The following TTC28 variants were observed in gnomAD, a reference collection of about 807,000 sequenced individuals.
The protein encoded by TTC28 is tetratricopeptide repeat domain 28, also known as tetratricopeptide repeat protein 28.
In TTC28, 61 loss-of-function variants were observed where a neutral mutation model predicts 198.0. The ratio of observed to expected loss-of-function variants is 0.31; its 90% CI spans 0.25 to 0.38. The LOEUF (loss-of-function observed/expected upper bound fraction) is 0.38, where lower values mean the gene tolerates loss of function less well. Ranked by LOEUF, TTC28 falls within the 10% of genes least tolerant of loss-of-function variation. The probability of loss-of-function intolerance (pLI) is 1.00; values close to 1 mark genes in which losing one functional copy is unlikely to be tolerated. For synonymous variants in TTC28, 1,171 were observed against 1,297.8 expected (o/e 0.90, Z 2.10); for missense variants, 2,678 against 3,164.0 (o/e 0.85, Z 3.69).
intron 2 of TTC28, among the ~76,000 whole-genome samples, chr22:28,558,747 C>T (rs1429020223): frequency 6.7e-6 from 1 of 149,354 alleles, no homozygotes; most frequent in Non-Finnish European, 1.5e-5. Flanking sequence ...ATTTCCATTT[C>T]TGGCCGGGCA....
At chr22:28,366,311 A>G (rs1269389958) in intron 2 of TTC28, among the ~76,000 whole-genome samples, 1 of 152,088 alleles carries the variant, frequency 6.6e-6, no homozygotes, top group Non-Finnish European at 1.5e-5. Flanking sequence ...TCTTCTCAAC[A>G]AGTTTTTCTC....
At chr22:28,468,070 G>A (rs1351528567) in intron 2 of TTC28, among the ~76,000 whole-genome samples, 5 of 152,122 alleles carry the variant, frequency 3.3e-5, no homozygotes, top group African/African-American at 9.7e-5. Context: ...ACTGTGCCTG[G>A]CCCATAAGAG....
At chr22:28,202,642 T>C (rs9613573) in intron 5 of TTC28, among the ~76,000 whole-genome samples, 9,964 of 152,184 alleles carry the variant, frequency 0.065, 473 homozygotes, top group Admixed American at 0.14. Flanking sequence ...GCAGGGACCT[T>C]GGTCATCAGA....
chr22:28,317,719 G>A (rs754556404), intron 2 of TTC28, among the ~76,000 whole-genome samples: 3 of 152,148 alleles, frequency 2.0e-5, no homozygotes, highest in Non-Finnish European at 4.4e-5. Context: ...CCAGCCAAAA[G>A]GTAGGACTTT....
intron 15 of TTC28, chr22:28,000,987 GCC>G (rs886157206): frequency 5.1e-5 from 9 of 175,896 alleles, no homozygotes; most frequent in African/African-American, 1.9e-4. Context: ...CAGCTCAAGG[GCC>G]AGATGAATTG....
intron 13 of TTC28, among the ~76,000 whole-genome samples, chr22:28,029,637 T>C (rs1461468892): frequency 7.2e-5 from 11 of 152,160 alleles, no homozygotes; most frequent in South Asian, 2.1e-4. Flanking sequence ...AAGAAAAAGA[T>C]GAAGGGGTGT....
chr22:28,282,275 T>C (rs1569238027), intron 5 of TTC28, among the ~76,000 whole-genome samples: 1 of 152,204 alleles, frequency 6.6e-6, no homozygotes. Context: ...TTTGCATAGC[T>C]ACAGGGGATA....
In TTC28 at chr22:27,996,007, C is replaced by T. The variant is rs1366212844; in HGVS notation, c.5244+128G>A. 2.2e-6 allele frequency: 3 copies of T among 1,392,956 alleles called. No homozygotes were observed. The African/African-American group carries it at 4.3e-5, about 20-fold the overall frequency. 86.3% of individuals were successfully genotyped at this position (1,392,956 alleles called of 1,614,324 possible). On this transcript the variant is annotated intron_variant, in intron 17 of 22. Transcript: ENST00000397906. Reference sequence around the variant, plus strand: ...GTCTGTGGAAGCCGGTCAGTGCCATCCTGGACACGGCCCCAATCACGGTGT... The same window carrying T: ...GTCTGTGGAAGCCGGTCAGTGCCATTCTGGACACGGCCCCAATCACGGTGT...
chr22:28,647,504 G>A (rs1021578974), intron 1 of TTC28, among the ~76,000 whole-genome samples: 1 of 151,910 alleles, frequency 6.6e-6, no homozygotes, highest in African/African-American at 2.4e-5. Flanking sequence ...AATCCACAAG[G>A]AACTCAAACA....
intron 2 of TTC28, among the ~76,000 whole-genome samples, chr22:28,530,047 A>G (rs2049097951): frequency 6.6e-6 from 1 of 152,222 alleles, no homozygotes; most frequent in African/African-American, 2.4e-5. Flanking sequence ...ACAAAGCTGA[A>G]CAGAGAATGA....
intron 14 of TTC28, among the ~76,000 whole-genome samples, chr22:28,004,647 C>G (rs2146559235): frequency 6.6e-6 from 1 of 152,310 alleles, no homozygotes; most frequent in African/African-American, 2.4e-5. Flanking sequence ...CAGCTGTTCT[C>G]TGAAATGTGT....
At chr22:28,340,021 C>T (rs1003028080) in intron 2 of TTC28, among the ~76,000 whole-genome samples, 2 of 152,154 alleles carry the variant, frequency 1.3e-5, no homozygotes, top group Admixed American at 6.5e-5. Flanking sequence ...TCCTATTCGG[C>T]CATGTTGGCT....
intron 5 of TTC28, among the ~76,000 whole-genome samples, chr22:28,267,507 A>T (rs1455014739): frequency 1.3e-5 from 2 of 152,234 alleles, no homozygotes; most frequent in African/African-American, 4.8e-5. Flanking sequence ...GAGAAGGACC[A>T]AAGTCACTGC....
intron 2 of TTC28, among the ~76,000 whole-genome samples, chr22:28,600,136 G>A (rs574631589): frequency 4.6e-5 from 7 of 152,104 alleles, no homozygotes; most frequent in African/African-American, 1.4e-4. Context: ...GGCTCACATC[G>A]TAATCCCAGC....
intron 2 of TTC28, among the ~76,000 whole-genome samples, chr22:28,416,161 A>G (rs932940816): frequency 1.3e-5 from 2 of 152,160 alleles, no homozygotes; most frequent in African/African-American, 4.8e-5. Context: ...GGAGAAGCCA[A>G]TCTCATGGTT....
chr22:28,080,629 A>T (rs1239414222), intron 12 of TTC28, among the ~76,000 whole-genome samples: 1 of 152,178 alleles, frequency 6.6e-6, no homozygotes, highest in African/African-American at 2.4e-5. Flanking sequence ...TCCCATTCAT[A>T]GGCTGCCTTT....
At chr22:28,449,239 C>G (rs1176955960) in intron 2 of TTC28, among the ~76,000 whole-genome samples, 2 of 152,136 alleles carry the variant, frequency 1.3e-5, no homozygotes, top group African/African-American at 2.4e-5. Context: ...GCACAGCATT[C>G]TCTCAACAAG....
chr22:28,143,347 A>T (rs1025566724), intron 6 of TTC28, among the ~76,000 whole-genome samples: 2 of 152,218 alleles, frequency 1.3e-5, no homozygotes, highest in African/African-American at 4.8e-5. Flanking sequence ...AAAAAGGGAC[A>T]TATCATTGAA....
intron 2 of TTC28, among the ~76,000 whole-genome samples, chr22:28,597,991 G>A (rs1187544053): frequency 2.6e-5 from 4 of 151,814 alleles, no homozygotes; most frequent in Non-Finnish European, 5.9e-5. Context: ...GCCTCCCAAA[G>A]TGCTGGAATT....
Sources: allele counts gnomAD v4.1 joint callset (sites outside exome capture counted in the v4.1 genomes callset), GRCh38; gene constraint gnomAD v4.1.1; transcripts MANE v1.5; gene names NCBI Gene and HGNC (gene_info 2026-07-23, HGNC 2026-07-21).